The following TXNDC9 variants were observed in gnomAD, a reference collection of about 807,000 sequenced individuals.
TXNDC9 encodes the protein thioredoxin domain-containing protein 9.
TXNDC9 carries 7 observed loss-of-function variants against 23.0 expected under a neutral mutation model. The ratio of observed to expected loss-of-function variants is 0.30; its 90% confidence interval spans 0.17 to 0.57. TXNDC9 has a LOEUF of 0.57. Among genes scored for constraint, TXNDC9 ranks in the 20% least tolerant of loss-of-function variants. TXNDC9 has a pLI of 0.90. For missense variants in TXNDC9, 198 were observed against 252.6 expected (o/e 0.78, Z 1.47); for synonymous variants, 72 against 90.6 (o/e 0.79, Z 1.17).
chr2:99,331,615 CAAAATATA>C (rs1365180930), intron 2 of TXNDC9, among the ~76,000 whole-genome samples: 1 of 151,976 alleles, frequency 6.6e-6, no homozygotes, highest in African/African-American at 2.4e-5. Context: ...TTTAGAAACT[CAAAATATA>C]AAAATTTGGA....
At chr2:99,322,519 G>GA in intron 3 of TXNDC9, 2 of 1,463,908 alleles carry the variant, frequency 1.4e-6, no homozygotes, top group Non-Finnish European at 9.0e-7. Flanking sequence ...GAAACTTGAA[G>GA]AGGAACAAAC....
At chr2:99,330,041 G>A (rs1259663901) in intron 2 of TXNDC9, among the ~76,000 whole-genome samples, 1 of 151,648 alleles carries the variant, frequency 6.6e-6, no homozygotes, top group South Asian at 2.1e-4. Context: ...TGTAATACTA[G>A]CACTTTGGGA....
At chr2:99,315,305 T>C (rs2094186682), downstream of TXNDC9, among the ~76,000 whole-genome samples, 1 of 152,076 alleles carries the variant, frequency 6.6e-6, no homozygotes, top group Non-Finnish European at 1.5e-5. Flanking sequence ...GACCTCGTGA[T>C]CTGCCCGCCT....
At chr2:99,313,763 C>G in the TXNDC9 span, among the ~76,000 whole-genome samples, 72 of 152,322 alleles carry the variant, frequency 4.7e-4, 1 homozygote, top group Non-Finnish European at 7.5e-4. Context: ...TAAGCACAAA[C>G]AGTTCTAGCC....
intron 1 of TXNDC9, among the ~76,000 whole-genome samples, chr2:99,335,420 G>T (rs1375169879): frequency 6.6e-6 from 1 of 152,174 alleles, no homozygotes; most frequent in Admixed American, 6.5e-5. Context: ...TGTATTTAAC[G>T]TTGAATGAAC....
chr2:99,330,635 A>G (rs1343836810), intron 2 of TXNDC9, among the ~76,000 whole-genome samples: 3 of 152,122 alleles, frequency 2.0e-5, no homozygotes, highest in African/African-American at 7.2e-5. Flanking sequence ...TTATCCCTCT[A>G]TTCTGCTCCC....
At chr2:99,327,425 AG>A (rs2105323314) in intron 3 of TXNDC9, 109 bp downstream of exon 3, 1 of 779,158 alleles carries the variant, frequency 1.3e-6, no homozygotes, top group East Asian at 2.5e-5. Context: ...GAAACAACTT[AG>A]GAAGTTTTTT....
chr2:99,327,483 A>C, intron 3 of TXNDC9, 52 bp downstream of exon 3: 1 of 1,336,594 alleles, frequency 7.5e-7, no homozygotes, highest in Non-Finnish European at 1.1e-6. Context: ...ATCTCCAGCC[A>C]AACAATTCAC....
chr2:99,332,949 A>G (rs1421565305), intron 2 of TXNDC9, 73 bp downstream of exon 2: 2 of 1,198,566 alleles, frequency 1.7e-6, no homozygotes, highest in African/African-American at 1.5e-5. Flanking sequence ...TGTAACTACT[A>G]CAGCACATGT....
At chr2:99,308,317 A>T in the TXNDC9 span, among the ~76,000 whole-genome samples, 6 of 152,124 alleles carry the variant, frequency 3.9e-5, no homozygotes, top group African/African-American at 1.4e-4. Flanking sequence ...TTACAATCCA[A>T]ATTCAGTGAA....
rs531082373 is a variant in TXNDC9 at position 99,336,043 on chromosome 2, C to T, written c.-33+196G>A. ...TGGCAAGCCGGCCACTCCCTGCGCC[C>T]GGGGAAACAGAGGAAAGCACAGTCC... On this transcript the variant is annotated intron_variant, in intron 1 of 4. Coordinates refer to ENST00000264255, the MANE Select transcript of TXNDC9 (RefSeq NM_005783.4). Among the ~76,000 whole-genome samples the T allele has an allele frequency of 1.9e-4, 29 of 152,342 alleles. 2 individuals carry two copies. The South Asian group carries it at 5.8e-3, about 30-fold the overall frequency.
intron 3 of TXNDC9, among the ~76,000 whole-genome samples, chr2:99,326,716 TCTC>T (rs1187630937): frequency 6.6e-6 from 1 of 152,146 alleles, no homozygotes. Context: ...AAAAATCACT[TCTC>T]CTTCTAGCCA....
the TXNDC9 span, among the ~76,000 whole-genome samples, chr2:99,313,477 T>G: frequency 2.0e-5 from 3 of 152,164 alleles, no homozygotes; most frequent in Non-Finnish European, 4.4e-5. Context: ...ATGCCTGTAA[T>G]CAAGACCATC....
chr2:99,316,136 T>C (rs1472389364), downstream of TXNDC9, among the ~76,000 whole-genome samples: 3 of 150,488 alleles, frequency 2.0e-5, no homozygotes, highest in Admixed American at 6.7e-5. Flanking sequence ...TTTTTTTTGT[T>C]TTAAACTTAA....
chr2:99,332,939 T>C, intron 2 of TXNDC9, 83 bp downstream of exon 2: 1 of 1,136,890 alleles, frequency 8.8e-7, no homozygotes, highest in Non-Finnish European at 1.3e-6. Flanking sequence ...AAGAACGAAA[T>C]GTAACTACTA....
chr2:99,316,779 T>C (rs976294502), downstream of TXNDC9, among the ~76,000 whole-genome samples: 21 of 152,090 alleles, frequency 1.4e-4, no homozygotes, highest in Non-Finnish European at 2.6e-4. Context: ...TTTTTTGAGA[T>C]GGAGTCTCAC....
downstream of TXNDC9, among the ~76,000 whole-genome samples, chr2:99,317,771 C>T (rs1014427719): frequency 6.6e-6 from 1 of 152,116 alleles, no homozygotes; most frequent in Non-Finnish European, 1.5e-5. Context: ...AGCCACCACA[C>T]CTGGCCACTC....
At chr2:99,316,123 T>A (rs908001361), downstream of TXNDC9, among the ~76,000 whole-genome samples, 234 of 150,680 alleles carry the variant, frequency 1.6e-3, 3 homozygotes, top group Non-Finnish European at 2.3e-3. Context: ...TTTTCTTTTT[T>A]TTTTTTTTTT....
At position 99,322,848 on chromosome 2, in the gene TXNDC9, G is replaced by A. The variant is rs922221431; in HGVS notation, c.309-639C>T. 40 of 621,532 alleles carry A rather than the reference G, an allele frequency of 6.4e-5. No homozygotes were observed. The East Asian group carries it at 1.7e-3, about 26-fold the overall frequency. 38.5% of individuals were successfully genotyped at this position (621,532 alleles called of 1,614,324 possible). On this transcript the variant is annotated intron_variant, in intron 3 of 4. Coordinates refer to ENST00000264255, the MANE Select transcript of TXNDC9 (RefSeq NM_005783.4). ...ACAAGCTCGGCTCACTGCAAGCTCC[G>A]CCTCCCTGGTTCATGCCATTCTCCT...
Sources: allele counts gnomAD v4.1 joint callset (sites outside exome capture counted in the v4.1 genomes callset), GRCh38; gene constraint gnomAD v4.1.1; transcripts MANE v1.5; gene names NCBI Gene and HGNC (gene_info 2026-07-23, HGNC 2026-07-21).